ATAD2: variants seen among roughly 807,000 people sequenced by gnomAD.
ATAD2 encodes ATPase family AAA domain-containing protein 2.
ATAD2 carries 62 observed loss-of-function variants against 168.9 expected under a neutral mutation model. The observed-to-expected ratio is 0.37, with a 90% confidence interval of 0.30 to 0.45. ATAD2 has a LOEUF of 0.45. Among genes scored for constraint, ATAD2 ranks in the 20% least tolerant of loss-of-function variants. ATAD2 has a pLI of 1.00. For synonymous variants in ATAD2, 613 were observed against 571.6 expected, an observed-to-expected ratio of 1.07 and a Z score of -1.03; for missense variants, 1,419 against 1,667.8, an observed-to-expected ratio of 0.85 and a Z score of 2.60.
At chr8:123,347,920 T>C (rs1021432076) in intron 15 of ATAD2, 4 of 456,650 alleles carry the variant, frequency 8.8e-6, no homozygotes, top group African/African-American at 8.4e-5. Context: ...AATTATATTA[T>C]TATCTACTCT....
At chr8:123,371,059 C>G in intron 5 of ATAD2, 69 bp from the exon 6 acceptor site, 1 of 1,258,476 alleles carries the variant, frequency 7.9e-7, no homozygotes, top group Non-Finnish European at 1.1e-6. Context: ...GTTGGATCCT[C>G]CAATCTTGTT....
chr8:123,389,515 C>T (rs1829750497), intron 1 of ATAD2, among the ~76,000 whole-genome samples: 1 of 151,532 alleles, frequency 6.6e-6, no homozygotes, highest in South Asian at 2.1e-4. Flanking sequence ...TGGCGGGCGC[C>T]TGTAGTCCCA....
At chr8:123,382,651 C>CATTCTAA (rs1237986873) in intron 1 of ATAD2, among the ~76,000 whole-genome samples, 3 of 152,162 alleles carry the variant, frequency 2.0e-5, no homozygotes, top group Non-Finnish European at 4.4e-5. Context: ...CAATGAGATA[C>CATTCTAA]CAGCTCACAC....
In ATAD2 at chr8:123,328,585, A is replaced by C; in HGVS notation, c.3479-6T>G. 3 of 1,506,472 alleles carry C rather than the reference A, an allele frequency of 2.0e-6. No homozygotes were observed. Among genetic ancestry groups the C allele is most frequent in the Non-Finnish European group, 2.7e-6 (3 of 1,130,024 alleles). The allele number at this position is 1,506,472 out of a possible 1,614,324, so 93.3% of individuals were successfully genotyped here. On this transcript the variant is annotated splice_region_variant and splice_polypyrimidine_tract_variant and intron_variant, in intron 24 of 27. Transcript: ENST00000287394. ...AATTTTCCTCTTCAACTGAGCTTCA[A>C]GAAATTTAAAGAAAAATGATGAAAG...
chr8:123,373,669 G>C (rs916075695), intron 2 of ATAD2, among the ~76,000 whole-genome samples: 1 of 151,488 alleles, frequency 6.6e-6, no homozygotes. Context: ...GGCGCCTGTA[G>C]TCCCAGATAC....
intron 1 of ATAD2, among the ~76,000 whole-genome samples, chr8:123,386,501 A>T (rs1586902084): frequency 1.3e-5 from 2 of 152,144 alleles, no homozygotes; most frequent in South Asian, 4.1e-4. Context: ...GTTGCCAGGG[A>T]CTAGGAGGAG....
In ATAD2 at chr8:123,394,809, C is replaced by T. The variant is rs1056599158; in HGVS notation, c.171+1378G>A. 3.3e-5 allele frequency among the ~76,000 whole-genome samples: 5 copies of T among 152,196 alleles called. No individual in the cohort carries two copies. In the East Asian group the frequency reaches 7.7e-4, roughly 23 times the overall value. ...ATTCCAGTGCAGAAGTGTTTGGCCT[C>T]TCCAGGTCTCTGCCAATTCCTGGCA... is the stretch of plus-strand genomic sequence containing the variant. On this transcript the variant is annotated intron_variant, in intron 1 of 27. Coordinates refer to ENST00000287394, the MANE Select transcript of ATAD2 (RefSeq NM_014109.4).
Position 123,402,009 on chromosome 8 carries a change from T to C in ATAD2, c.-2281-834A>G, listed in dbSNP as rs2130019554. 15 of 1,445,338 alleles carry C rather than the reference T, an allele frequency of 1.0e-5. No individual in the cohort carries two copies. The highest frequency in any genetic ancestry group is 1.5e-5 in the Non-Finnish European group (15 of 1,030,850). The allele number at this position is 1,445,338 out of a possible 1,614,324, so 89.5% of individuals were successfully genotyped here. ...CGCAGCCTGTCTGTCCTTTGGTCCA[T>C]GATGTACTCAGGAGAGCTCAAGTTT... On this transcript the variant is annotated intron_variant, in intron 1 of 28. Coordinates refer to the ATAD2 transcript ENST00000521903. The surrounding 1 kb of genome is among the most constrained non-coding windows in gnomAD (Gnocchi z 4.8).
intron 19 of ATAD2, among the ~76,000 whole-genome samples, chr8:123,342,821 C>A (rs967550531): frequency 6.6e-6 from 1 of 152,152 alleles, no homozygotes; most frequent in Non-Finnish European, 1.5e-5. Flanking sequence ...TTACTCTGCT[C>A]TATCATCCTG....
intron 26 of ATAD2, among the ~76,000 whole-genome samples, chr8:123,325,288 T>G (rs1316470753): frequency 6.9e-6 from 1 of 145,356 alleles, no homozygotes; most frequent in Non-Finnish European, 1.5e-5. Flanking sequence ...TATTATTTAT[T>G]TATTTATTTT....
chr8:123,387,178 A>G (rs1224724802), intron 1 of ATAD2, among the ~76,000 whole-genome samples: 2 of 152,154 alleles, frequency 1.3e-5, no homozygotes, highest in Non-Finnish European at 2.9e-5. Context: ...TATATGTTTT[A>G]TAAGTTTTTT....
chr8:123,348,010 A>T (rs1828308167), intron 15 of ATAD2, 173 bp downstream of exon 15: 2 of 671,142 alleles, frequency 3.0e-6, no homozygotes, highest in Admixed American at 2.7e-5. Context: ...ATAAGAGATA[A>T]GAAACAAATA....
intron 1 of ATAD2, among the ~76,000 whole-genome samples, chr8:123,405,864 A>C (rs1473654392): frequency 6.6e-6 from 1 of 152,242 alleles, no homozygotes; most frequent in Non-Finnish European, 1.5e-5. Context: ...ATAGGTTCAA[A>C]TATCACTTCT....
Position 123,336,380 on chromosome 8 carries a change from A to ATC in ATAD2, c.3202_3203dup (p.Asp1068GlufsTer15). ...AAATTCACTAATGCTCACCTCCAGG[A>ATC]TCTCTATCTGGATTGTATTCTAAGG... On this transcript the variant is annotated frameshift_variant, in exon 22 of 28. Transcript: ENST00000287394. LOFTEE classifies it high-confidence loss of function. 1 of 1,578,532 alleles carries ATC rather than the reference A, an allele frequency of 6.3e-7. No individual in the cohort carries two copies.
chr8:123,370,192 G>A (rs1168645231), intron 6 of ATAD2, among the ~76,000 whole-genome samples, 168 bp from the exon 7 acceptor site: 3 of 149,838 alleles, frequency 2.0e-5, no homozygotes, highest in Admixed American at 2.0e-4. Flanking sequence ...GATTGTTCAT[G>A]GGAAGTATTT....
At chr8:123,356,848 A>G (rs1221771738) in intron 12 of ATAD2, among the ~76,000 whole-genome samples, 1 of 152,008 alleles carries the variant, frequency 6.6e-6, no homozygotes, top group Non-Finnish European at 1.5e-5. Context: ...TAAGAATTCA[A>G]ACTAAATTAT....
At chr8:123,403,985 A>G (rs908613072) in intron 1 of ATAD2, among the ~76,000 whole-genome samples, 1 of 152,206 alleles carries the variant, frequency 6.6e-6, no homozygotes, top group Non-Finnish European at 1.5e-5. Flanking sequence ...AAAAGGCAAC[A>G]TGCTTTACAG....
intron 3 of ATAD2, 151 bp from the exon 4 acceptor site, chr8:123,371,986 AAAAT>A: frequency 1.2e-6 from 1 of 825,722 alleles, no homozygotes; most frequent in Non-Finnish European, 1.8e-6. Flanking sequence ...TCAGAAAACA[AAAAT>A]AAAGTTAAAA....
At chr8:123,403,039 T>C (rs1365041514) in intron 1 of ATAD2, among the ~76,000 whole-genome samples, 3 of 152,044 alleles carry the variant, frequency 2.0e-5, no homozygotes, top group African/African-American at 7.2e-5. Flanking sequence ...CTACTGAGAA[T>C]AGAAGGGTAT....
Sources: allele counts gnomAD v4.1 joint callset (sites outside exome capture counted in the v4.1 genomes callset), GRCh38; gene constraint gnomAD v4.1.1; non-coding constraint Gnocchi (gnomAD v3.1); transcripts MANE v1.5; gene names NCBI Gene and HGNC (gene_info 2026-07-23, HGNC 2026-07-21).